Variants in XKR9 observed in about 807,000 individuals in gnomAD.
The protein encoded by XKR9 is XK related 9.
XKR9 carries 32 observed loss-of-function variants against 32.0 expected under a neutral mutation model. That is an observed-to-expected ratio of 1.00 (90% CI 0.76 to 1.34). The LOEUF (loss-of-function observed/expected upper bound fraction) is 1.34. Ranked by LOEUF, XKR9 falls within the 40% of genes most tolerant of loss-of-function variation. The probability of loss-of-function intolerance (pLI) is 0.00; values close to 1 mark genes in which losing one functional copy is unlikely to be tolerated. For synonymous variants in XKR9, 168 were observed against 143.4 expected (o/e 1.17, Z -1.22); for missense variants, 546 against 429.7 (o/e 1.27, Z -2.39).
chr8:71,038,421 A>G, the XKR9 span, among the ~76,000 whole-genome samples: 2 of 150,842 alleles, frequency 1.3e-5, no homozygotes, highest in Non-Finnish European at 3.0e-5. Flanking sequence ...CCCAGGTTCA[A>G]GCGATTCTCC....
intron 4 of XKR9, among the ~76,000 whole-genome samples, chr8:70,720,298 C>G (rs1457841031): frequency 6.6e-6 from 1 of 152,118 alleles, no homozygotes; most frequent in Non-Finnish European, 1.5e-5. Context: ...ATTTCTTTCT[C>G]TTGCCTGATT....
chr8:70,797,172 T>A, the XKR9 span, among the ~76,000 whole-genome samples: 1 of 152,162 alleles, frequency 6.6e-6, no homozygotes, highest in Non-Finnish European at 1.5e-5. Context: ...TCAGCAAGGA[T>A]TTTAAAAAAT....
chr8:70,739,602 G>T (rs1226401497), downstream of XKR9, among the ~76,000 whole-genome samples: 3 of 152,028 alleles, frequency 2.0e-5, no homozygotes, highest in East Asian at 1.9e-4. Flanking sequence ...GCAGTGGCTG[G>T]TACCGGTTGT....
At chr8:70,914,843 A>G in the XKR9 span, among the ~76,000 whole-genome samples, 3 of 152,232 alleles carry the variant, frequency 2.0e-5, no homozygotes, top group South Asian at 6.2e-4. Context: ...TAATCACCAA[A>G]TGGATTCTTC....
the XKR9 span, among the ~76,000 whole-genome samples, chr8:70,837,177 CAT>C: frequency 6.6e-6 from 1 of 152,046 alleles, no homozygotes; most frequent in African/African-American, 2.4e-5. Flanking sequence ...TCATTACATA[CAT>C]GTCTGTTTCT....
At chr8:70,860,857 A>G in the XKR9 span, among the ~76,000 whole-genome samples, 1 of 152,030 alleles carries the variant, frequency 6.6e-6, no homozygotes, top group Non-Finnish European at 1.5e-5. Context: ...GGTTTCTTCA[A>G]CTGTAAAGTG....
At chr8:70,924,195 G>A in the XKR9 span, among the ~76,000 whole-genome samples, 1 of 152,242 alleles carries the variant, frequency 6.6e-6, no homozygotes, top group East Asian at 1.9e-4. Context: ...ATAGTTCCGT[G>A]AACTGGCCTT....
chr8:70,799,474 G>C, the XKR9 span, among the ~76,000 whole-genome samples: 1 of 152,054 alleles, frequency 6.6e-6, no homozygotes, highest in African/African-American at 2.4e-5. Flanking sequence ...GGGACTACTG[G>C]TGCGTGCCAC....
At chr8:70,789,167 G>A (rs1433747085) in intron 2 of XKR9, among the ~76,000 whole-genome samples, 3 of 151,680 alleles carry the variant, frequency 2.0e-5, no homozygotes, top group Admixed American at 2.0e-4. Context: ...GTGTAACTTA[G>A]GTCTGAAGGG....
intron 2 of XKR9, among the ~76,000 whole-genome samples, chr8:70,757,419 A>G (rs952813897): frequency 3.3e-5 from 5 of 152,124 alleles, no homozygotes; most frequent in African/African-American, 1.2e-4. Flanking sequence ...TCTAGCAAAT[A>G]AATTATTTCA....
the XKR9 span, among the ~76,000 whole-genome samples, chr8:71,029,478 G>A: frequency 6.6e-6 from 1 of 152,064 alleles, no homozygotes; most frequent in East Asian, 1.9e-4. Context: ...AACCTAGATG[G>A]TATTTCAGAG....
the XKR9 span, among the ~76,000 whole-genome samples, chr8:70,857,282 TAA>T: frequency 6.6e-6 from 1 of 152,044 alleles, no homozygotes; most frequent in Non-Finnish European, 1.5e-5. Context: ...TAAAAAATGA[TAA>T]AGGGGATATC....
intron 2 of XKR9, among the ~76,000 whole-genome samples, chr8:70,757,198 A>G (rs1367371157): frequency 6.6e-6 from 1 of 152,006 alleles, no homozygotes. Context: ...TCATTTGGTT[A>G]TGAATTTTCT....
intron 2 of XKR9, among the ~76,000 whole-genome samples, chr8:70,757,246 T>A (rs991362244): frequency 2.6e-5 from 4 of 152,176 alleles, no homozygotes; most frequent in African/African-American, 9.6e-5. Flanking sequence ...TTTATGTGCA[T>A]GTTGGTGCAT....
chr8:71,008,564 G>A, the XKR9 span, among the ~76,000 whole-genome samples: 1 of 152,098 alleles, frequency 6.6e-6, no homozygotes, highest in South Asian at 2.1e-4. Flanking sequence ...CTGAACTATT[G>A]AGTCAGAACC....
At chr8:70,792,884 C>T (rs537053763), downstream of XKR9, among the ~76,000 whole-genome samples, 4 of 152,184 alleles carry the variant, frequency 2.6e-5, no homozygotes, top group South Asian at 8.3e-4. Flanking sequence ...AGAAAAGAAG[C>T]CCTCATCGTA....
rs575047042 is a variant in XKR9, at chr8:70,690,844, G to A, written c.272+9514G>A. ...GTCTGTCATTGATTGGTATTTAGGTGATTCTGTGTCTTTGCTATTGTGAAC... is the reference window on the plus strand; with the variant it reads ...GTCTGTCATTGATTGGTATTTAGGTAATTCTGTGTCTTTGCTATTGTGAAC... On this transcript the variant is annotated intron_variant, in intron 3 of 4. Transcript: ENST00000408926. 7.3e-4 allele frequency among the ~76,000 whole-genome samples: 111 copies of A among 152,240 alleles called. 1 individual carries two copies. In the South Asian group the frequency reaches 1.0e-2, roughly 14 times the overall value.
At chr8:71,041,356 G>A in the XKR9 span, among the ~76,000 whole-genome samples, 1 of 152,092 alleles carries the variant, frequency 6.6e-6, no homozygotes, top group Non-Finnish European at 1.5e-5. Flanking sequence ...TTCACATCTT[G>A]GGAAAGAAGA....
At chr8:70,896,797 A>T in the XKR9 span, among the ~76,000 whole-genome samples, 1 of 152,120 alleles carries the variant, frequency 6.6e-6, no homozygotes, top group South Asian at 2.1e-4. Context: ...GATATTTTGA[A>T]TCAGCCATAC....
Sources: allele counts gnomAD v4.1 joint callset (sites outside exome capture counted in the v4.1 genomes callset), GRCh38; gene constraint gnomAD v4.1.1; transcripts MANE v1.5; gene names NCBI Gene and HGNC (gene_info 2026-07-23, HGNC 2026-07-21).